The following SMOC1 variants were observed in gnomAD, a reference collection of about 807,000 sequenced individuals.
SMOC1 encodes the protein SPARC-related modular calcium-binding protein 1.
SMOC1 carries 22 observed loss-of-function variants against 56.3 expected under a neutral mutation model. That is an observed-to-expected ratio of 0.39 (90% CI 0.28 to 0.56). SMOC1 has a LOEUF of 0.56. Among genes scored for constraint, SMOC1 ranks in the 20% least tolerant of loss-of-function variants. The pLI, the probability that SMOC1 is intolerant of heterozygous loss-of-function variation, is 0.61. For missense variants in SMOC1, 509 were observed against 565.4 expected (o/e 0.90, Z 1.01); for synonymous variants, 193 against 215.0 (o/e 0.90, Z 0.89).
At chr14:69,906,362 G>C (rs926946158) in intron 1 of SMOC1, among the ~76,000 whole-genome samples, 1 of 152,220 alleles carries the variant, frequency 6.6e-6, no homozygotes, top group African/African-American at 2.4e-5. Context: ...TGATTTGAAG[G>C]ACTCAGGTTA....
chr14:69,889,600 G>T (rs768036122), intron 1 of SMOC1, among the ~76,000 whole-genome samples: 4 of 152,166 alleles, frequency 2.6e-5, no homozygotes, highest in Admixed American at 1.3e-4. Context: ...GGGTGGTGGG[G>T]AAAATGGATG....
intron 5 of SMOC1, among the ~76,000 whole-genome samples, chr14:69,978,930 C>T (rs189620916): frequency 1.3e-5 from 2 of 152,092 alleles, no homozygotes; most frequent in Admixed American, 1.3e-4. Flanking sequence ...TTAAGATTCA[C>T]TGCCACTGAC....
chr14:69,884,266 A>G (rs1467145961), intron 1 of SMOC1, among the ~76,000 whole-genome samples: 1 of 151,990 alleles, frequency 6.6e-6, no homozygotes, highest in Non-Finnish European at 1.5e-5. Flanking sequence ...ATACCTATTC[A>G]GATCTTTTGC....
chr14:69,912,110 A>G (rs1884569582), intron 1 of SMOC1, among the ~76,000 whole-genome samples: 2 of 152,218 alleles, frequency 1.3e-5, no homozygotes, highest in African/African-American at 4.8e-5. Flanking sequence ...TTCTATTTAA[A>G]TGTTTTGGAT....
At chr14:69,906,855 T>C (rs1884422269) in intron 1 of SMOC1, among the ~76,000 whole-genome samples, 1 of 152,174 alleles carries the variant, frequency 6.6e-6, no homozygotes, top group Non-Finnish European at 1.5e-5. Context: ...AAATGGAGTG[T>C]GGGCCACTTT....
chr14:70,011,817 A>T (rs1466895191), intron 9 of SMOC1, among the ~76,000 whole-genome samples: 1 of 152,222 alleles, frequency 6.6e-6, no homozygotes, highest in African/African-American at 2.4e-5. Flanking sequence ...CTGCAGTTCC[A>T]CAATGCGTTG....
rs35586375 is a variant in SMOC1, at chr14:69,914,577, G to GAAACAAAC, written c.99+34822_99+34829dup. Reference sequence around the variant, plus strand: ...AGAAGTGGGAGACACCAGTAGGAAGGAAACAAACAAACAAACAAACAAACA... The same window carrying GAAACAAAC: ...AGAAGTGGGAGACACCAGTAGGAAGGAAACAAACAAACAAACAAACAAACAAACAAACA... On this transcript the variant is annotated intron_variant, in intron 1 of 11. Coordinates refer to ENST00000361956, the MANE Select transcript of SMOC1 (RefSeq NM_001034852.3). Among the ~76,000 whole-genome samples the GAAACAAAC allele has an allele frequency of 5.5e-3, 832 of 151,272 alleles. 2 individuals carry two copies. The highest frequency in any genetic ancestry group is 0.011 in the African/African-American group (454 of 41,090).
chr14:69,967,658 T>C (rs1228100158), intron 3 of SMOC1, among the ~76,000 whole-genome samples: 1 of 152,220 alleles, frequency 6.6e-6, no homozygotes, highest in Non-Finnish European at 1.5e-5. Flanking sequence ...CTGTTTTAGA[T>C]GCTTTATATA....
chr14:69,881,827 T>A (rs1883648524), intron 1 of SMOC1, among the ~76,000 whole-genome samples: 1 of 152,150 alleles, frequency 6.6e-6, no homozygotes, highest in Admixed American at 6.5e-5. Flanking sequence ...CTTTACATGA[T>A]CTCTTACTCG....
chr14:69,926,202 T>G (rs944859724), intron 1 of SMOC1, among the ~76,000 whole-genome samples: 2 of 152,220 alleles, frequency 1.3e-5, no homozygotes, highest in Non-Finnish European at 2.9e-5. Flanking sequence ...ATTTTCCTGA[T>G]TGGAGATTCT....
At chr14:69,914,542 C>A (rs1884633296) in intron 1 of SMOC1, among the ~76,000 whole-genome samples, 1 of 151,902 alleles carries the variant, frequency 6.6e-6, no homozygotes, top group Non-Finnish European at 1.5e-5. Context: ...TCCTTAACAC[C>A]CACACGATCA....
intron 9 of SMOC1, among the ~76,000 whole-genome samples, chr14:70,011,853 G>T (rs776787188): frequency 1.1e-4 from 17 of 152,336 alleles, no homozygotes; most frequent in Non-Finnish European, 1.2e-4. Context: ...TGAGGACAAT[G>T]TTTTGAGCAC....
intron 3 of SMOC1, among the ~76,000 whole-genome samples, chr14:69,957,839 T>C (rs10139510): frequency 0.34 from 52,369 of 151,932 alleles, 9,402 homozygotes; most frequent in African/African-American, 0.42. Context: ...TCATCCCAGA[T>C]ATTTTTGAGC....
chr14:70,020,057 T>G (rs1398704131), intron 10 of SMOC1, among the ~76,000 whole-genome samples: 1 of 104,158 alleles, frequency 9.6e-6, no homozygotes, highest in African/African-American at 4.4e-5. Context: ...GACTCCATCT[T>G]CTTCTTTAAG....
At chr14:69,900,588 A>G (rs1365104836) in intron 1 of SMOC1, among the ~76,000 whole-genome samples, 2 of 152,200 alleles carry the variant, frequency 1.3e-5, no homozygotes, top group African/African-American at 4.8e-5. Context: ...CCCATTTTAC[A>G]GAGGAGAAAA....
chr14:69,884,281 T>G (rs1401297951), intron 1 of SMOC1, among the ~76,000 whole-genome samples: 17 of 152,308 alleles, frequency 1.1e-4, no homozygotes. Flanking sequence ...TTTTGCCCAT[T>G]TTTTCATTGC....
intron 1 of SMOC1, chr14:69,886,240 T>A (rs1358820896): frequency 3.0e-6 from 2 of 656,154 alleles, no homozygotes; most frequent in African/African-American, 3.6e-5. Context: ...CATCTTAATA[T>A]CAGGCCAGCA....
chr14:69,885,241 G>A (rs572978788), intron 1 of SMOC1: 18 of 745,374 alleles, frequency 2.4e-5, no homozygotes, highest in African/African-American at 1.1e-4. Flanking sequence ...GCTTAGGAAC[G>A]ATTACTCTCT....
chr14:69,928,968 C>A (rs2139386096), intron 1 of SMOC1, among the ~76,000 whole-genome samples: 1 of 152,284 alleles, frequency 6.6e-6, no homozygotes, highest in Admixed American at 6.5e-5. Context: ...GAAGGAATGA[C>A]CATCTGGAAG....
Sources: gnomAD v4.1 joint callset for allele counts (sites outside exome capture counted in the v4.1 genomes callset) on GRCh38, gnomAD v4.1.1 for gene constraint, MANE v1.5 for transcripts, NCBI Gene and HGNC (gene_info 2026-07-23, HGNC 2026-07-21) for gene names.